Variants in RASAL2 observed in about 807,000 individuals in gnomAD.
RASAL2 encodes ras GTPase-activating protein nGAP.
In RASAL2, 58 loss-of-function variants were observed where a neutral mutation model predicts 128.9. That is an observed-to-expected ratio of 0.45 (90% CI 0.36 to 0.56). RASAL2 has a LOEUF of 0.56. Among genes scored for constraint, RASAL2 ranks in the 20% least tolerant of loss-of-function variants. RASAL2 has a pLI of 0.00. For missense variants in RASAL2, 1,360 were observed against 1,601.6 expected, an observed-to-expected ratio of 0.85 and a Z score of 2.57; for synonymous variants, 561 against 580.8, an observed-to-expected ratio of 0.97 and a Z score of 0.49.
chr1:178,435,239 A>T (rs1223481340), intron 5 of RASAL2, among the ~76,000 whole-genome samples: 1 of 152,106 alleles, frequency 6.6e-6, no homozygotes, highest in Non-Finnish European at 1.5e-5. Context: ...TTAATCTGTA[A>T]ACATGTAGCA....
chr1:178,164,067 T>C (rs1661429320), intron 1 of RASAL2, among the ~76,000 whole-genome samples: 1 of 152,136 alleles, frequency 6.6e-6, no homozygotes, highest in African/African-American at 2.4e-5. Flanking sequence ...ATGTAAACAT[T>C]TGGGGAATCT....
At chr1:178,130,986 G>A (rs113072729) in intron 1 of RASAL2, among the ~76,000 whole-genome samples, 3,142 of 150,794 alleles carry the variant, frequency 0.021, 95 homozygotes, top group African/African-American at 0.069. Context: ...CCCGGGAGGC[G>A]GAGCTTGCAG....
chr1:178,134,549 C>T (rs909097460), intron 1 of RASAL2, among the ~76,000 whole-genome samples: 9 of 151,418 alleles, frequency 5.9e-5, no homozygotes, highest in African/African-American at 2.2e-4. Flanking sequence ...TAATCTTTTT[C>T]GTATTCTAAT....
intron 3 of RASAL2, among the ~76,000 whole-genome samples, chr1:178,352,740 C>G (rs1670585758): frequency 6.6e-6 from 1 of 152,250 alleles, no homozygotes; most frequent in East Asian, 1.9e-4. Context: ...TCTGGACATC[C>G]AGGCTTTTCC....
intron 1 of RASAL2, among the ~76,000 whole-genome samples, chr1:178,140,964 G>C (rs953775901): frequency 6.6e-6 from 1 of 152,144 alleles, no homozygotes; most frequent in Non-Finnish European, 1.5e-5. Context: ...CTCAGGAAGC[G>C]GAAGGCAGAA....
chr1:178,113,456 C>T (rs1259340345), intron 1 of RASAL2, among the ~76,000 whole-genome samples: 1 of 151,382 alleles, frequency 6.6e-6, no homozygotes, highest in Non-Finnish European at 1.5e-5. Flanking sequence ...AGGCATGCAT[C>T]ACCATACCAG....
In RASAL2 at chr1:178,357,674, T is replaced by C. The variant is rs575592076; in HGVS notation, c.458-32426T>C. Among the ~76,000 whole-genome samples the C allele has an allele frequency of 5.3e-5, 8 of 152,318 alleles. No homozygotes were observed. In the South Asian group the frequency reaches 1.4e-3, roughly 28 times the overall value. On this transcript the variant is annotated intron_variant, in intron 3 of 17. Transcript: ENST00000367649. ...ACATTTCAGTTGGAATTACAATGAA[T>C]GTATAGATTATTTGGGAGATAATTT... is the stretch of plus-strand genomic sequence containing the variant.
At chr1:178,178,395 A>G (rs1558098089) in intron 1 of RASAL2, among the ~76,000 whole-genome samples, 1 of 152,136 alleles carries the variant, frequency 6.6e-6, no homozygotes, top group Non-Finnish European at 1.5e-5. Context: ...GGGAGGAAAA[A>G]TAATATATTT....
intron 12 of RASAL2, 118 bp downstream of exon 12, chr1:178,454,766 C>T: frequency 1.2e-6 from 1 of 818,776 alleles, no homozygotes; most frequent in Non-Finnish European, 1.9e-6. Context: ...CCCTAGAAAT[C>T]TGAGAGTAAA....
chr1:178,138,408 T>C (rs778155924), intron 1 of RASAL2, among the ~76,000 whole-genome samples: 1 of 152,198 alleles, frequency 6.6e-6, no homozygotes, highest in African/African-American at 2.4e-5. Flanking sequence ...AAGTTTTACA[T>C]AAAGTACTTT....
intron 1 of RASAL2, among the ~76,000 whole-genome samples, chr1:178,186,136 A>T (rs1298004265): frequency 6.6e-6 from 1 of 151,304 alleles, no homozygotes; most frequent in Non-Finnish European, 1.5e-5. Context: ...GGAATTTTTC[A>T]TTTAAGTTAT....
rs747827439 is a variant in RASAL2, at chr1:178,094,584, C to G, written c.92C>G (p.Pro31Arg). The G allele has an allele frequency of 1.9e-6, 3 of 1,608,686 alleles. No homozygotes were observed. The Admixed American group carries it at 5.1e-5, about 27-fold the overall frequency. Residue 31 changes from proline (P) to arginine (R), a missense_variant, in exon 1 of 18, where the codon CCG (proline) becomes CGG (arginine). Physicochemically the swap from Pro to Arg is moderately radical, Grantham distance 103. Around this residue, in one of 3 missense-constraint regions of RASAL2, gnomAD observed 617 missense variants for 714.2 expected, o/e 0.86. Transcript: ENST00000367649. ...CTGGAGTCCGACTCGCCGCTGCCCCCGGAGGACCTGGACGCGGTTGTCCCA... is the reference window on the plus strand; with the variant it reads ...CTGGAGTCCGACTCGCCGCTGCCCCGGGAGGACCTGGACGCGGTTGTCCCA... ...PALESDSPLP[P>R]EDLDAVVPVS...
chr1:178,452,948 T>C (rs942986756), intron 11 of RASAL2, among the ~76,000 whole-genome samples: 5 of 152,028 alleles, frequency 3.3e-5, no homozygotes, highest in Non-Finnish European at 5.9e-5. Flanking sequence ...AAAAATACTT[T>C]AGTGGGAAAA....
At chr1:178,200,881 T>A (rs1259978386) in intron 1 of RASAL2, among the ~76,000 whole-genome samples, 2 of 152,180 alleles carry the variant, frequency 1.3e-5, no homozygotes, top group African/African-American at 4.8e-5. Context: ...GCTGCCATCA[T>A]CCTTTCCACC....
At chr1:178,296,744 CT>C (rs1422133918) in intron 2 of RASAL2, among the ~76,000 whole-genome samples, 1 of 149,272 alleles carries the variant, frequency 6.7e-6, no homozygotes, top group Non-Finnish European at 1.5e-5. Context: ...ACAGTCTCGG[CT>C]CACTGCATCC....
intron 1 of RASAL2, among the ~76,000 whole-genome samples, chr1:178,146,588 A>G (rs930194185): frequency 2.6e-5 from 4 of 152,222 alleles, no homozygotes; most frequent in Non-Finnish European, 5.9e-5. Flanking sequence ...GTCTCATTCT[A>G]TTATTCTTAG....
intron 3 of RASAL2, among the ~76,000 whole-genome samples, chr1:178,373,145 T>C (rs1019380601): frequency 2.6e-5 from 4 of 152,012 alleles, no homozygotes; most frequent in African/African-American, 9.7e-5. Context: ...TCATGAATAT[T>C]ATGTATGACC....
chr1:178,473,017 A>G, intron 17 of RASAL2, 58 bp from the exon 18 acceptor site: 1 of 1,584,168 alleles, frequency 6.3e-7, no homozygotes, highest in Non-Finnish European at 8.7e-7. Flanking sequence ...CATTCAGTAA[A>G]GAAAGCGTGT....
chr1:178,345,856 A>T (rs890794175), intron 3 of RASAL2, among the ~76,000 whole-genome samples: 1 of 152,232 alleles, frequency 6.6e-6, no homozygotes, highest in African/African-American at 2.4e-5. Flanking sequence ...GTCTATTAAC[A>T]GGGAAGGATA....
Sources: allele counts gnomAD v4.1 joint callset (sites outside exome capture counted in the v4.1 genomes callset), GRCh38; gene constraint gnomAD v4.1.1; regional missense constraint gnomAD v4.1.1; transcripts MANE v1.5; gene names NCBI Gene and HGNC (gene_info 2026-07-23, HGNC 2026-07-21).